Variants in PNPLA4 observed in about 807,000 individuals in gnomAD.
PNPLA4 encodes the protein patatin like domain 4, phospholipase and triacylglycerol lipase.
Under a neutral mutation model 18.3 loss-of-function variants are expected in PNPLA4, and 15 were observed. That is an observed-to-expected ratio of 0.82 (90% CI 0.55 to 1.26). The LOEUF is 1.26. Ranked by LOEUF, PNPLA4 falls within the 50% of genes most tolerant of loss-of-function variation. PNPLA4 has a pLI of 0.00. For synonymous variants in PNPLA4, 88 were observed against 85.6 expected (o/e 1.03, Z -0.16); for missense variants, 229 against 196.8 (o/e 1.16, Z -0.98).
chrX:7,911,205 T>G (rs1923864270), intron 5 of PNPLA4, among the ~76,000 whole-genome samples: 1 of 112,234 alleles, frequency 8.9e-6, no homozygotes, highest in African/African-American at 3.2e-5. Flanking sequence ...ATAGCTACTG[T>G]ATTAATTATA....
intron 4 of PNPLA4, among the ~76,000 whole-genome samples, chrX:7,919,879 CTTTCT>C (rs1420622850): frequency 1.8e-5 from 2 of 111,958 alleles, no homozygotes; most frequent in African/African-American, 3.3e-5. Context: ...GGCCCAGCTT[CTTTCT>C]TTTCTTTTAT....
chrX:7,903,082 A>C lies in PNPLA4; in HGVS notation c.478-941T>G, dbSNP rs1601643002. On this transcript the variant is annotated intron_variant, in intron 5 of 6. Transcript: ENST00000381042. The stretch of plus-strand genomic sequence containing the variant: ...GGTAACAGTTGAAAGTCCTGTATGC[A>C]GGAATCTTTAGTGAAGTTTGTAAAC... Among the ~76,000 whole-genome samples, 4 of 112,090 alleles carry C rather than the reference A, an allele frequency of 3.6e-5. No individual in the cohort carries two copies. The Middle Eastern group carries it at 0.019, about 519-fold the overall frequency.
chrX:7,921,636 T>C (rs778064129), intron 4 of PNPLA4, 77 bp downstream of exon 4: 217 of 878,819 alleles, frequency 2.5e-4, no homozygotes, highest in Non-Finnish European at 3.2e-4. Flanking sequence ...AAGAACGTGG[T>C]AATGCTCATT....
At position 7,902,079 on chromosome X, in the gene PNPLA4, G is replaced by T. The variant is rs1411149162; in HGVS notation, c.540C>A (p.Thr180=). 8.3e-7 allele frequency: 1 copy of T among 1,209,179 alleles called. No individual in the cohort carries two copies. ...CCAGTCGTCCACTGAAGGGGGAGAT[G>T]GTTACTGTCCGGCCGACGGGCAGGA... ...LPILPVGRTV[T]ISPFSGRLDI... The change falls in exon 6 of 7, where the codon ACC becomes ACA. Residue 180 remains threonine, a synonymous_variant. Transcript: ENST00000381042.
intron 4 of PNPLA4, among the ~76,000 whole-genome samples, 158 bp from the exon 5 acceptor site, chrX:7,912,251 C>T (rs1923901489): frequency 8.9e-6 from 1 of 112,140 alleles, no homozygotes; most frequent in Admixed American, 9.5e-5. Context: ...CACTTTATAT[C>T]GGAAAAGACT....
chrX:7,915,538 A>T (rs2146761807), intron 4 of PNPLA4, among the ~76,000 whole-genome samples: 1 of 112,192 alleles, frequency 8.9e-6, no homozygotes, highest in Admixed American at 9.5e-5. Flanking sequence ...ACATATGTGA[A>T]ACCACTGATT....
chrX:7,919,300 G>A (rs1183223086), intron 4 of PNPLA4, among the ~76,000 whole-genome samples: 6 of 112,650 alleles, frequency 5.3e-5, no homozygotes. Context: ...GTCTGGTATG[G>A]GTCCCACTGG....
In PNPLA4 at chrX:7,912,028, C is replaced by T; in HGVS notation, c.477G>A (p.Gln159=). 4.2e-6 allele frequency: 5 copies of T among 1,192,527 alleles called. No homozygotes were observed. Among genetic ancestry groups the T allele is most frequent in the Non-Finnish European group, 5.7e-6 (5 of 879,047 alleles). Residue 159 remains glutamine (Q), a splice_region_variant and synonymous_variant, in exon 5 of 7, where the codon CAG becomes CAA. Coordinates refer to ENST00000381042, the MANE Select transcript of PNPLA4 (RefSeq NM_004650.3). ...AATTCCTCAGTTATAACAAGCTTAC[C>T]TGCCCTTTGTATTCCACTAGCTTCA... ...AGLKLVEYKG[Q]KWVDGGLTNA... is the part of the protein sequence containing the mutation.
intron 1 of PNPLA4, 69 bp from the exon 2 acceptor site, chrX:7,926,201 T>C (rs1156315288): frequency 1.2e-5 from 9 of 763,536 alleles, no homozygotes; most frequent in Admixed American, 3.4e-5. Flanking sequence ...TAGTCTTATG[T>C]TGATCATCGT....
intron 2 of PNPLA4, among the ~76,000 whole-genome samples, chrX:7,925,599 C>T (rs1289938773): frequency 8.9e-6 from 1 of 111,943 alleles, no homozygotes; most frequent in South Asian, 3.7e-4. Context: ...CCCACATGTT[C>T]AAGGCCTTGA....
chrX:7,916,452 C>G (rs1924049129), intron 4 of PNPLA4, among the ~76,000 whole-genome samples: 1 of 111,371 alleles, frequency 9.0e-6, no homozygotes, highest in African/African-American at 3.3e-5. Flanking sequence ...AAATAATGAA[C>G]AGTATGAAGG....
Position 7,899,409 on chromosome X carries a change from A to T in PNPLA4, c.*1277T>A, listed in dbSNP as rs1923442739. ...TCAGTAAATTGGTACAAGCCCATAC[A>T]CAAGTCCTCAAAGTGATGGACAACT... On this transcript the variant is annotated 3_prime_UTR_variant, in exon 7 of 7. Transcript: ENST00000381042. The T allele has an allele frequency of 9.0e-6, 1 of 110,565 alleles. No homozygotes were observed. Among genetic ancestry groups the T allele is most frequent in the Non-Finnish European group, 1.9e-5 (1 of 52,988 alleles). 9.1% of individuals were successfully genotyped at this position (110,565 alleles called of 1,213,427 possible).
At position 7,922,019 on chromosome X, in the gene PNPLA4, A is replaced by G; in HGVS notation, c.260T>C (p.Phe87Ser). The G allele has an allele frequency of 8.3e-7, 1 of 1,206,618 alleles. No homozygotes were observed. Among genetic ancestry groups the G allele is most frequent in the Non-Finnish European group, 1.1e-6 (1 of 891,032 alleles). Residue 87 changes from phenylalanine (F) to serine (S), a missense_variant, in exon 3 of 7, where the codon TTC (phenylalanine) becomes TCC (serine). Phe to Ser is a radical substitution (Grantham distance 155, BLOSUM62 -2). Transcript: ENST00000381042. The part of the protein sequence containing the change: ...SFGAVTPGYD[F>S]MARLRSGMES... ...CTCTGTATACCTTAGTCGGGCCATG[A>G]AGTCATAACCGGGCGTTACTGCCCC...
chrX:7,900,480 G>A lies in PNPLA4; in HGVS notation c.*206C>T. ...AAAAATGATTCCTTATCACCTAAGT[G>A]TATCCTTCTTAATGACGTTGTCAAA... On this transcript the variant is annotated 3_prime_UTR_variant, in exon 7 of 7. Coordinates refer to ENST00000381042, the MANE Select transcript of PNPLA4 (RefSeq NM_004650.3). 3.5e-6 allele frequency: 1 copy of A among 286,373 alleles called. No individual in the cohort carries two copies. The highest frequency in any genetic ancestry group is 6.2e-6 in the Non-Finnish European group (1 of 161,400). 23.6% of individuals were successfully genotyped at this position (286,373 alleles called of 1,213,427 possible).
chrX:7,920,315 T>C (rs1457840990), intron 4 of PNPLA4, among the ~76,000 whole-genome samples: 1 of 111,526 alleles, frequency 9.0e-6, no homozygotes, highest in Non-Finnish European at 1.9e-5. Context: ...CTGTCTGTAT[T>C]GGACATTGAT....
At chrX:7,916,707 T>C (rs1924056990) in intron 4 of PNPLA4, among the ~76,000 whole-genome samples, 3 of 111,734 alleles carry the variant, frequency 2.7e-5, no homozygotes, top group African/African-American at 9.8e-5. Flanking sequence ...CTAAATTATC[T>C]GCATTTGCAG....
chrX:7,924,334 C>G (rs767660435), intron 2 of PNPLA4, among the ~76,000 whole-genome samples: 36 of 111,581 alleles, frequency 3.2e-4, no homozygotes, highest in African/African-American at 1.1e-3. Flanking sequence ...ATATCATCAG[C>G]GAGAACCGAG....
intron 5 of PNPLA4, among the ~76,000 whole-genome samples, chrX:7,902,368 A>T (rs1569102981): frequency 8.9e-6 from 1 of 112,100 alleles, no homozygotes; most frequent in Non-Finnish European, 1.9e-5. Context: ...TGTCTGTAAG[A>T]CTTGAATTCT....
chrX:7,900,706 T>G lies in PNPLA4; in HGVS notation c.742A>C (p.Lys248Gln). 8.6e-7 allele frequency: 1 copy of G among 1,162,702 alleles called. No individual in the cohort carries two copies. The highest frequency in any genetic ancestry group is 1.2e-6 in the Non-Finnish European group (1 of 861,065). ...GCATTTTATTCAAACCAATTTTCTT[T>G]AAGTAAAAACTTAACAGTGTCATCA... is the stretch of plus-strand genomic sequence containing the variant. ...GFDDTVKFLL[K>Q]ENWFE is the part of the protein sequence containing the mutation. The change falls in exon 7 of 7, where the codon AAA becomes CAA. Residue 248 changes from lysine to glutamine, a missense_variant. Lys to Gln is a moderately conservative substitution (Grantham distance 53). Transcript: ENST00000381042.
Sources: allele counts gnomAD v4.1 joint callset (sites outside exome capture counted in the v4.1 genomes callset), GRCh38; gene constraint gnomAD v4.1.1; transcripts MANE v1.5; gene names NCBI Gene and HGNC (gene_info 2026-07-23, HGNC 2026-07-21).